The following PLCXD3 variants were observed in gnomAD, a reference collection of about 807,000 sequenced individuals.
PLCXD3 encodes PI-PLC X domain-containing protein 3.
A neutral mutation model predicts 25.5 loss-of-function variants in PLCXD3; 19 were observed. That is an observed-to-expected ratio of 0.75 (90% CI 0.52 to 1.09). PLCXD3 has a LOEUF of 1.09. Among genes scored for constraint, PLCXD3 ranks in the 50% least tolerant of loss-of-function variants. The pLI, the probability that PLCXD3 is intolerant of heterozygous loss-of-function variation, is 0.00. For synonymous variants in PLCXD3, 174 were observed against 137.6 expected (o/e 1.26, Z -1.85); for missense variants, 411 against 388.1 (o/e 1.06, Z -0.50).
At chr5:41,429,053 A>G (rs1265766206) in intron 1 of PLCXD3, among the ~76,000 whole-genome samples, 2 of 152,168 alleles carry the variant, frequency 1.3e-5, no homozygotes, top group Non-Finnish European at 2.9e-5. Context: ...CGCAATATTT[A>G]TACTGCCCAG....
chr5:41,386,449 T>C (rs568795531), intron 1 of PLCXD3, among the ~76,000 whole-genome samples: 1 of 152,216 alleles, frequency 6.6e-6, no homozygotes, highest in East Asian at 1.9e-4. Flanking sequence ...TGTCATTTGG[T>C]ATGGTAGGAA....
intron 1 of PLCXD3, among the ~76,000 whole-genome samples, chr5:41,410,358 T>C (rs318030): frequency 0.1 from 15,457 of 151,936 alleles, 902 homozygotes; most frequent in Non-Finnish European, 0.12. Context: ...TTGGCCGGTA[T>C]GGTCTTGATC....
chr5:41,379,141 T>C (rs763185257), intron 2 of PLCXD3, among the ~76,000 whole-genome samples: 4 of 152,008 alleles, frequency 2.6e-5, no homozygotes, highest in Non-Finnish European at 5.9e-5. Context: ...TCATTCAAGG[T>C]GTGGAGAGAA....
rs563522053 is a variant in PLCXD3, at chr5:41,492,028, C to T, written c.103+18396G>A. Among the ~76,000 whole-genome samples the T allele has an allele frequency of 2.0e-5, 3 of 152,312 alleles. No homozygotes were observed. The East Asian group carries it at 5.8e-4, about 29-fold the overall frequency. ...TTAGTTGATGCACTTTCTTCCTAGC[C>T]TCGATGGTCTTTACAATTTGGCATG... On this transcript the variant is annotated intron_variant, in intron 1 of 2. Transcript: ENST00000377801.
At chr5:41,457,396 T>C (rs1187482907) in intron 1 of PLCXD3, among the ~76,000 whole-genome samples, 2 of 151,908 alleles carry the variant, frequency 1.3e-5, no homozygotes, top group Non-Finnish European at 2.9e-5. Context: ...AACATGAAGT[T>C]CTTGTACCTT....
intron 1 of PLCXD3, among the ~76,000 whole-genome samples, chr5:41,388,838 C>T (rs75974555): frequency 0.033 from 5,060 of 151,854 alleles, 101 homozygotes; most frequent in Non-Finnish European, 0.048. Flanking sequence ...ATGAACTTCA[C>T]CCTATGTATG....
intron 1 of PLCXD3, among the ~76,000 whole-genome samples, chr5:41,392,128 G>A (rs1199817424): frequency 6.6e-6 from 1 of 152,214 alleles, no homozygotes; most frequent in Non-Finnish European, 1.5e-5. Context: ...TGGGGTACCT[G>A]TCTGCTCTGA....
At chr5:41,378,210 A>G (rs988883416) in intron 2 of PLCXD3, among the ~76,000 whole-genome samples, 1 of 152,110 alleles carries the variant, frequency 6.6e-6, no homozygotes, top group Non-Finnish European at 1.5e-5. Context: ...AGCTTTTCCT[A>G]TAGGCTCCAT....
chr5:41,483,595 G>A (rs1404683753), intron 1 of PLCXD3, among the ~76,000 whole-genome samples: 1 of 152,082 alleles, frequency 6.6e-6, no homozygotes, highest in Non-Finnish European at 1.5e-5. Context: ...CAGAATTTCA[G>A]TTTTGCAAGA....
chr5:41,425,599 T>C (rs1746937441), intron 1 of PLCXD3, among the ~76,000 whole-genome samples: 2 of 152,202 alleles, frequency 1.3e-5, no homozygotes, highest in Admixed American at 1.3e-4. Context: ...AGAGTAGTTT[T>C]ACTGCCCTAA....
chr5:41,510,402 C>G, intron 1 of PLCXD3, 22 bp downstream of exon 1: 2 of 1,589,234 alleles, frequency 1.3e-6, no homozygotes, highest in Admixed American at 1.7e-5. Flanking sequence ...GAGCGCCTAG[C>G]CCGCAGCCCC....
intron 2 of PLCXD3, among the ~76,000 whole-genome samples, chr5:41,326,479 C>T (rs1377482963): frequency 6.6e-6 from 1 of 152,146 alleles, no homozygotes; most frequent in Non-Finnish European, 1.5e-5. Context: ...ATATCAGCTA[C>T]CATCTCCTCC....
chr5:41,370,871 A>C (rs560354295), intron 2 of PLCXD3, among the ~76,000 whole-genome samples: 2 of 152,152 alleles, frequency 1.3e-5, no homozygotes, highest in Non-Finnish European at 2.9e-5. Context: ...AGACAAATGG[A>C]ATGTTCTCAA....
intron 2 of PLCXD3, among the ~76,000 whole-genome samples, chr5:41,374,874 G>GA (rs1173034228): frequency 2.0e-5 from 3 of 152,090 alleles, no homozygotes; most frequent in African/African-American, 7.2e-5. Context: ...TCTCTTTATG[G>GA]AGATGGGTAC....
At chr5:41,359,285 G>A (rs543447979) in intron 2 of PLCXD3, among the ~76,000 whole-genome samples, 144 of 152,274 alleles carry the variant, frequency 9.5e-4, no homozygotes, top group African/African-American at 3.1e-3. Flanking sequence ...AGTGTCAATA[G>A]GATTGGTACC....
chr5:41,315,472 AG>A, intron 2 of PLCXD3, among the ~76,000 whole-genome samples: 1 of 152,140 alleles, frequency 6.6e-6, no homozygotes. Context: ...CTGAATTGGG[AG>A]GCTGAGCAAG....
chr5:41,486,823 T>C (rs1748528753), intron 1 of PLCXD3, among the ~76,000 whole-genome samples: 1 of 152,220 alleles, frequency 6.6e-6, no homozygotes, highest in Non-Finnish European at 1.5e-5. Flanking sequence ...ACTGTACTCA[T>C]CTCAATTTTA....
intron 1 of PLCXD3, among the ~76,000 whole-genome samples, chr5:41,489,685 T>A (rs868315715): frequency 6.6e-6 from 1 of 152,092 alleles, no homozygotes; most frequent in Non-Finnish European, 1.5e-5. Context: ...TTATTCTCTT[T>A]GAAGCAATTG....
intron 1 of PLCXD3, among the ~76,000 whole-genome samples, chr5:41,439,998 A>G (rs1164690028): frequency 6.6e-6 from 1 of 152,122 alleles, no homozygotes; most frequent in Non-Finnish European, 1.5e-5. Flanking sequence ...TAGAAATGGA[A>G]AGAAGTCAGT....
Sources: gnomAD v4.1 joint callset for allele counts (sites outside exome capture counted in the v4.1 genomes callset) on GRCh38, gnomAD v4.1.1 for gene constraint, MANE v1.5 for transcripts, NCBI Gene and HGNC (gene_info 2026-07-23, HGNC 2026-07-21) for gene names.